RAD51B: variants seen among roughly 807,000 people sequenced by gnomAD.
RAD51B encodes the protein RAD51 paralog B, also known as DNA repair protein RAD51 homolog 2.
A neutral mutation model predicts 42.2 loss-of-function variants in RAD51B; 38 were observed. The ratio of observed to expected loss-of-function variants is 0.90; its 90% CI spans 0.70 to 1.18. The LOEUF is 1.18. Ranked by LOEUF, RAD51B falls within the 50% of genes most tolerant of loss-of-function variation. RAD51B has a pLI of 0.00. For missense variants in RAD51B, 373 were observed against 400.7 expected (o/e 0.93, Z 0.59); for synonymous variants, 154 against 145.2 (o/e 1.06, Z -0.43).
chr14:67,939,197 C>T (rs779081024), intron 7 of RAD51B, among the ~76,000 whole-genome samples: 5 of 152,084 alleles, frequency 3.3e-5, no homozygotes, highest in Non-Finnish European at 7.4e-5. Context: ...AAAGGCTTTA[C>T]TCTTCCCCGC....
At chr14:68,048,455 A>G (rs2076338804) in intron 7 of RAD51B, among the ~76,000 whole-genome samples, 1 of 152,028 alleles carries the variant, frequency 6.6e-6, no homozygotes, top group South Asian at 2.1e-4. Context: ...ATTAGATCCC[A>G]TTTGTCAATT....
chr14:68,134,538 C>T (rs1399113798), intron 7 of RAD51B, among the ~76,000 whole-genome samples: 1 of 152,076 alleles, frequency 6.6e-6, no homozygotes, highest in Non-Finnish European at 1.5e-5. Flanking sequence ...TCCAGAATGG[C>T]GATTCCATTT....
At chr14:67,974,873 TA>T (rs2074962443) in intron 7 of RAD51B, among the ~76,000 whole-genome samples, 1 of 152,222 alleles carries the variant, frequency 6.6e-6, no homozygotes, top group South Asian at 2.1e-4. Flanking sequence ...AATAACATTT[TA>T]AAAGATGTTC....
In RAD51B at chr14:68,353,608, G is replaced by A. The variant is rs1289479947; in HGVS notation, c.854-57816G>A. Among the ~76,000 whole-genome samples the A allele has an allele frequency of 2.6e-5, 4 of 152,212 alleles. No individual in the cohort carries two copies. The East Asian group carries it at 7.7e-4, about 29-fold the overall frequency. On this transcript the variant is annotated intron_variant, in intron 8 of 10. Transcript: ENST00000471583. ...ATGAAAAATCAGGGCTGAGGAAGGTGCATTTGCAGGCACTGTGGGGTCCAC... is the reference window on the plus strand; with the variant it reads ...ATGAAAAATCAGGGCTGAGGAAGGTACATTTGCAGGCACTGTGGGGTCCAC...
At chr14:68,297,366 A>G (rs1475359794) in intron 8 of RAD51B, among the ~76,000 whole-genome samples, 2 of 152,194 alleles carry the variant, frequency 1.3e-5, no homozygotes, top group African/African-American at 4.8e-5. Context: ...CCGATAAAAA[A>G]CACTGGTGTT....
intron 10 of RAD51B, among the ~76,000 whole-genome samples, chr14:68,625,156 A>G (rs985253893): frequency 3.9e-5 from 6 of 152,172 alleles, no homozygotes; most frequent in Non-Finnish European, 7.3e-5. Context: ...TGGGAATTCC[A>G]GGTCTTTCAC....
rs540959855 is a variant in RAD51B at position 68,415,152 on chromosome 14, C to A, written c.957+3625C>A. ...CCACCCTGACCAGTTAAATCAAAAT[C>A]TCTGCCAGTAGAGCTGAGCATCAGT... On this transcript the variant is annotated intron_variant, in intron 9 of 10. Coordinates refer to ENST00000471583, the MANE Select transcript of RAD51B (RefSeq NM_133510.4). Among the ~76,000 whole-genome samples, 3 of 150,186 alleles carry A rather than the reference C, an allele frequency of 2.0e-5. No homozygotes were observed. The East Asian group carries it at 6.1e-4, about 31-fold the overall frequency.
rs1699559769 is a variant in RAD51B at position 67,870,142 on chromosome 14, A to G, written c.452+5003A>G. On this transcript the variant is annotated intron_variant, in intron 5 of 10. Transcript: ENST00000471583. Reference sequence around the variant, plus strand: ...TCCAATTAAAAGACACAGACTGGCAAATTGGATAAAGAGTCAAGACCCATC... The same window carrying G: ...TCCAATTAAAAGACACAGACTGGCAGATTGGATAAAGAGTCAAGACCCATC... 2.7e-5 allele frequency among the ~76,000 whole-genome samples: 4 copies of G among 150,124 alleles called. No individual in the cohort carries two copies. In the South Asian group the frequency reaches 8.5e-4, roughly 32 times the overall value.
At chr14:67,856,184 T>C (rs959859364) in intron 4 of RAD51B, among the ~76,000 whole-genome samples, 1 of 152,188 alleles carries the variant, frequency 6.6e-6, no homozygotes, top group Non-Finnish European at 1.5e-5. Context: ...CCATCCCTAC[T>C]CTTCCTCTCT....
rs546749072 is a variant in RAD51B at position 67,886,857 on chromosome 14, A to G, written c.573-164A>G. On this transcript the variant is annotated intron_variant, in intron 6 of 10. Coordinates refer to ENST00000471583, the MANE Select transcript of RAD51B (RefSeq NM_133510.4). ...AAACAGTTTGCTCTGTTTCCAGAAA[A>G]GTATGATATGTCTACAAGTTAGGTT... 4.3e-5 allele frequency: 19 copies of G among 443,810 alleles called. 1 individual carries two copies. In the South Asian group the frequency reaches 1.0e-3, roughly 24 times the overall value. 27.5% of individuals were successfully genotyped at this position (443,810 alleles called of 1,614,324 possible).
chr14:67,997,663 T>C (rs982926896), intron 7 of RAD51B, among the ~76,000 whole-genome samples: 1 of 152,204 alleles, frequency 6.6e-6, no homozygotes, highest in African/African-American at 2.4e-5. Context: ...TTGTCAAATA[T>C]GGTAAATTTT....
At chr14:68,124,749 T>C (rs1322808553) in intron 7 of RAD51B, among the ~76,000 whole-genome samples, 2 of 151,988 alleles carry the variant, frequency 1.3e-5, no homozygotes, top group African/African-American at 4.8e-5. Context: ...GTCAGGAGTT[T>C]GAGACCAGCC....
intron 8 of RAD51B, among the ~76,000 whole-genome samples, chr14:68,301,043 A>G (rs2081723079): frequency 6.6e-6 from 1 of 152,142 alleles, no homozygotes. Context: ...GCAAATGTAT[A>G]TGTGTATATG....
At chr14:68,591,201 C>A (rs1290090998) in intron 10 of RAD51B, among the ~76,000 whole-genome samples, 1 of 152,136 alleles carries the variant, frequency 6.6e-6, no homozygotes, top group East Asian at 1.9e-4. Flanking sequence ...AGTTGGGTCC[C>A]CAGTGGCATA....
At chr14:68,420,040 A>G (rs2084660166) in intron 9 of RAD51B, among the ~76,000 whole-genome samples, 1 of 152,158 alleles carries the variant, frequency 6.6e-6, no homozygotes, top group African/African-American at 2.4e-5. Context: ...TTTTATTTCC[A>G]TCAATTCCTC....
chr14:68,231,468 T>C (rs571114999), intron 7 of RAD51B, among the ~76,000 whole-genome samples: 1 of 152,242 alleles, frequency 6.6e-6, no homozygotes, highest in South Asian at 2.1e-4. Flanking sequence ...ATCATTCTAG[T>C]CCTCCCCACA....
intron 1 of RAD51B, among the ~76,000 whole-genome samples, chr14:67,821,423 T>TA (rs754080649): frequency 2.0e-5 from 3 of 152,164 alleles, no homozygotes; most frequent in African/African-American, 4.8e-5. Context: ...TGGTTGTTGT[T>TA]AAAGTCCTTG....
intron 7 of RAD51B, among the ~76,000 whole-genome samples, chr14:68,279,972 A>C (rs2081290837): frequency 6.6e-6 from 1 of 152,338 alleles, no homozygotes; most frequent in African/African-American, 2.4e-5. Flanking sequence ...TTCCACATTT[A>C]ACCAGCTAAC....
chr14:67,913,529 G>A (rs1230909768), intron 7 of RAD51B, among the ~76,000 whole-genome samples: 1 of 152,200 alleles, frequency 6.6e-6, no homozygotes, highest in African/African-American at 2.4e-5. Flanking sequence ...AACTTGTAGT[G>A]CCTTAGCTCA....
Sources: allele counts gnomAD v4.1 joint callset (sites outside exome capture counted in the v4.1 genomes callset), GRCh38; gene constraint gnomAD v4.1.1; transcripts MANE v1.5; gene names NCBI Gene and HGNC (gene_info 2026-07-23, HGNC 2026-07-21).